The following DAGLA variants were observed in gnomAD, a reference collection of about 807,000 sequenced individuals.
DAGLA encodes the protein diacylglycerol lipase-alpha.
A neutral mutation model predicts 102.6 loss-of-function variants in DAGLA; 22 were observed. The ratio of observed to expected loss-of-function variants is 0.21; its 90% confidence interval spans 0.15 to 0.31. DAGLA has a LOEUF of 0.31. Ranked by LOEUF, DAGLA falls within the 10% of genes least tolerant of loss-of-function variation. The pLI is 1.00. For synonymous variants in DAGLA, 578 were observed against 628.9 expected, an observed-to-expected ratio of 0.92 and a Z score of 1.21; for missense variants, 927 against 1,446.6, an observed-to-expected ratio of 0.64 and a Z score of 5.83.
Position 61,734,965 on chromosome 11 carries a change from C to A in DAGLA, c.1091C>A (p.Thr364Asn). The A allele has an allele frequency of 6.2e-7, 1 of 1,614,042 alleles. No homozygotes were observed. Among genetic ancestry groups the A allele is most frequent in the African/African-American group, 1.3e-5 (1 of 75,060 alleles). Residue 364 changes from threonine to asparagine, a missense_variant, in exon 10 of 20, where the codon ACT becomes AAT. Physicochemically the swap from Thr to Asn is moderately conservative, Grantham distance 65. Coordinates refer to ENST00000257215, the MANE Select transcript of DAGLA (RefSeq NM_006133.3). This position sits in a 1 kb window ranked among gnomAD's most constrained non-coding sequence, Gnocchi z 4.2. ...CGCCACTTCCTGGACGAGAACATGA[C>A]TGCGGTGGACATCGTCTATACCTCC... ...IRRHFLDENM[T>N]AVDIVYTSCH...
intron 1 of DAGLA, among the ~76,000 whole-genome samples, chr11:61,719,857 A>G (rs189570561): frequency 3.9e-5 from 6 of 152,140 alleles, no homozygotes; most frequent in East Asian, 1.9e-4. Flanking sequence ...CCCAGGTAGA[A>G]GCCGATCCCT....
At chr11:61,709,208 CTTTGTTTG>C (rs537769791) in intron 1 of DAGLA, among the ~76,000 whole-genome samples, 11 of 152,218 alleles carry the variant, frequency 7.2e-5, no homozygotes, top group East Asian at 1.9e-4. Flanking sequence ...GGCTTTCAAA[CTTTGTTTG>C]TTTGTTTGTT....
intron 1 of DAGLA, among the ~76,000 whole-genome samples, chr11:61,719,622 C>A (rs1041349268): frequency 1.6e-4 from 25 of 152,372 alleles, no homozygotes; most frequent in African/African-American, 5.8e-4. Context: ...GTCCCTTGCC[C>A]CCACCTTCCC....
At chr11:61,688,834 C>T (rs1160089079) in intron 1 of DAGLA, among the ~76,000 whole-genome samples, 3 of 152,232 alleles carry the variant, frequency 2.0e-5, no homozygotes, top group African/African-American at 4.8e-5. Context: ...CGGAAAGCGA[C>T]GGGGCCACCA....
chr11:61,690,839 G>A (rs959305010), intron 1 of DAGLA, among the ~76,000 whole-genome samples: 1 of 152,300 alleles, frequency 6.6e-6, no homozygotes, highest in Non-Finnish European at 1.5e-5. Flanking sequence ...CGAAGGCCAG[G>A]CCCCGCTCCC....
chr11:61,696,144 G>A (rs745911965), intron 1 of DAGLA, among the ~76,000 whole-genome samples: 1 of 152,220 alleles, frequency 6.6e-6, no homozygotes, highest in Non-Finnish European at 1.5e-5. Context: ...CACCCTCTGC[G>A]GGAGGGGCTG....
intron 1 of DAGLA, among the ~76,000 whole-genome samples, chr11:61,682,586 T>C (rs988213552): frequency 8.5e-5 from 13 of 152,172 alleles, no homozygotes; most frequent in African/African-American, 3.1e-4. Flanking sequence ...GCAGCAGACG[T>C]GCCTCATTGC....
chr11:61,733,918 G>A (rs548253001), intron 9 of DAGLA, among the ~76,000 whole-genome samples: 19 of 141,228 alleles, frequency 1.3e-4, no homozygotes, highest in East Asian at 5.0e-4. Flanking sequence ...GTGACAGGAC[G>A]TTTGAACAGA....
chr11:61,743,699 T>C lies in DAGLA; in HGVS notation c.2339T>C (p.Met780Thr), dbSNP rs2065505062. 1.2e-6 allele frequency: 2 copies of C among 1,605,160 alleles called. No homozygotes were observed. The highest frequency in any genetic ancestry group is 8.5e-7 in the Non-Finnish European group (1 of 1,177,210). Residue 780 changes from methionine (M) to threonine (T), a missense_variant, in exon 20 of 20, where the codon ATG (methionine) becomes ACG (threonine). Met to Thr is a moderately conservative substitution (Grantham distance 81). Around this residue, in one of 4 missense-constraint regions of DAGLA, gnomAD observed 434 missense variants for 503.3 expected, o/e 0.86. Coordinates refer to ENST00000257215, the MANE Select transcript of DAGLA (RefSeq NM_006133.3). Reference sequence around the variant, plus strand: ...GCCCGGCGGGCACCACTGGCCACCATGGAGAGCCTCTCGGACACTGAGTCC... The same window carrying C: ...GCCCGGCGGGCACCACTGGCCACCACGGAGAGCCTCTCGGACACTGAGTCC... ...LQARRAPLAT[M>T]ESLSDTESLY... is the part of the protein sequence containing the mutation.
At chr11:61,685,365 T>C (rs1565243992) in intron 1 of DAGLA, among the ~76,000 whole-genome samples, 1 of 152,196 alleles carries the variant, frequency 6.6e-6, no homozygotes, top group Non-Finnish European at 1.5e-5. Context: ...GTGATCTGCA[T>C]ATATTAGCAG....
intron 7 of DAGLA, 138 bp downstream of exon 7, chr11:61,728,425 G>A: frequency 1.8e-6 from 2 of 1,099,548 alleles, no homozygotes; most frequent in East Asian, 5.0e-5. Context: ...GGACCCTGGA[G>A]GTCACCTTTA....
intron 9 of DAGLA, 136 bp downstream of exon 9, chr11:61,731,577 C>T (rs960075052): frequency 2.4e-6 from 3 of 1,234,190 alleles, no homozygotes; most frequent in African/African-American, 1.5e-5. Flanking sequence ...CTCAACCTTT[C>T]TAGTTCTGTG....
rs200294323 is a variant in DAGLA at position 61,743,933 on chromosome 11, C to T, written c.2573C>T (p.Ala858Val). 146 of 1,611,964 alleles carry T rather than the reference C, an allele frequency of 9.1e-5. No individual in the cohort carries two copies. Among genetic ancestry groups the T allele is most frequent in the Admixed American group, 6.0e-4 (36 of 60,012 alleles). The change falls in exon 20 of 20, where the codon GCG becomes GTG. Residue 858 changes from alanine to valine, a missense_variant. Physicochemically the swap from Ala to Val is moderately conservative, Grantham distance 64. Coordinates refer to ENST00000257215, the MANE Select transcript of DAGLA (RefSeq NM_006133.3). ...TCACAGGACACGCAGCCCCTGGAGG[C>T]GGCCCTGGGCAGTGGCGGCGTCACT... Reference protein sequence around the residue: ...KHSQDTQPLEAALGSGGVTPE... With the variant: ...KHSQDTQPLEVALGSGGVTPE...
At chr11:61,707,545 G>A (rs549094388) in intron 1 of DAGLA, among the ~76,000 whole-genome samples, 1 of 152,384 alleles carries the variant, frequency 6.6e-6, no homozygotes, top group African/African-American at 2.4e-5. Context: ...GGGAACTACA[G>A]TGTAATGGAG....
chr11:61,733,815 T>C (rs1337117465), intron 9 of DAGLA, among the ~76,000 whole-genome samples: 1 of 152,150 alleles, frequency 6.6e-6, no homozygotes, highest in Non-Finnish European at 1.5e-5. Context: ...GATGGGCACT[T>C]TGGACCCACA....
chr11:61,733,827 A>G (rs2065398863), intron 9 of DAGLA, among the ~76,000 whole-genome samples: 2 of 152,188 alleles, frequency 1.3e-5, no homozygotes, highest in Non-Finnish European at 2.9e-5. Flanking sequence ...GGACCCACAT[A>G]AAGCCAGGTG....
intron 1 of DAGLA, among the ~76,000 whole-genome samples, chr11:61,700,367 C>G (rs577866101): frequency 3.3e-4 from 48 of 147,488 alleles, no homozygotes; most frequent in East Asian, 3.9e-4. Context: ...CCTGCCCTGA[C>G]CTTCTCTTCA....
chr11:61,715,000 TA>T (rs2065225242), intron 1 of DAGLA, among the ~76,000 whole-genome samples: 1 of 152,194 alleles, frequency 6.6e-6, no homozygotes, highest in Non-Finnish European at 1.5e-5. Flanking sequence ...ACCCTCCTGA[TA>T]ATTCGGAGGT....
chr11:61,720,261 A>G lies in DAGLA; in HGVS notation c.95+11A>G. 6.2e-7 allele frequency: 1 copy of G among 1,612,184 alleles called. No homozygotes were observed. Among genetic ancestry groups the G allele is most frequent in the Non-Finnish European group, 8.5e-7 (1 of 1,178,790 alleles). On this transcript the variant is annotated intron_variant, in intron 2 of 19. Coordinates refer to ENST00000257215, the MANE Select transcript of DAGLA (RefSeq NM_006133.3). ...CCTGCATACCACCTGGTGAGTCCCC[A>G]GGCCCGGGGCCACAGGCCTGGGTTT...
Sources: gnomAD v4.1 joint callset for allele counts (sites outside exome capture counted in the v4.1 genomes callset) on GRCh38, gnomAD v4.1.1 for gene constraint, gnomAD v4.1.1 regional missense constraint, Gnocchi (gnomAD v3.1) non-coding constraint, MANE v1.5 for transcripts, NCBI Gene and HGNC (gene_info 2026-07-23, HGNC 2026-07-21) for gene names.